POLR3A: variants seen among roughly 807,000 people sequenced by gnomAD.
POLR3A encodes the protein RNA polymerase III subunit A.
POLR3A carries 112 observed loss-of-function variants against 152.8 expected under a neutral mutation model. That is an observed-to-expected ratio of 0.73 (90% confidence interval 0.63 to 0.86). POLR3A has a LOEUF of 0.86. POLR3A is among the 40% of genes least tolerant of loss of function. The pLI is 0.00. For missense variants in POLR3A, 1,385 were observed against 1,743.1 expected, an observed-to-expected ratio of 0.79 and a Z score of 3.66; for synonymous variants, 615 against 652.1, an observed-to-expected ratio of 0.94 and a Z score of 0.87.
chr10:77,981,590 C>A (rs763709498), intron 28 of POLR3A, 31 bp from the exon 29 acceptor site: 31 of 1,613,198 alleles, frequency 1.9e-5, no homozygotes, highest in Non-Finnish European at 2.1e-5. Flanking sequence ...GCAGAAGCAG[C>A]CCCTTCCGGG....
At chr10:78,009,399 G>T in intron 14 of POLR3A, 138 bp downstream of exon 14, 1 of 1,163,860 alleles carries the variant, frequency 8.6e-7, no homozygotes, top group Non-Finnish European at 1.3e-6. Flanking sequence ...ACATTTTCCT[G>T]AAGAAAAAAC....
At position 78,009,893 on chromosome 10, in the gene POLR3A, C is replaced by CT. The variant is rs781745727; in HGVS notation, c.1740dup (p.Val581SerfsTer28). ...AGGATTGTAGGCGGTGGGAGGCGAA[C>CT]TTTAATTTTCTCATCCTTGCCAACC... On this transcript the variant is annotated frameshift_variant, in exon 13 of 31. Coordinates refer to ENST00000372371, the MANE Select transcript of POLR3A (RefSeq NM_007055.4). LOFTEE classifies it high-confidence loss of function. The CT allele has an allele frequency of 9.9e-6, 16 of 1,613,918 alleles. No individual in the cohort carries two copies. Among genetic ancestry groups the CT allele is most frequent in the Non-Finnish European group, 9.3e-6 (11 of 1,180,042 alleles).
At chr10:77,991,030 T>C (rs1201029650) in intron 21 of POLR3A, 24 bp downstream of exon 21, 1 of 1,339,570 alleles carries the variant, frequency 7.5e-7, no homozygotes, top group Admixed American at 1.7e-5. Context: ...CTGGGTGCAG[T>C]AGCCAGCACC....
intron 19 of POLR3A, among the ~76,000 whole-genome samples, chr10:77,997,354 A>C (rs1847311462): frequency 6.6e-6 from 1 of 152,166 alleles, no homozygotes; most frequent in South Asian, 2.1e-4. Flanking sequence ...AATTAGGAAA[A>C]GAGGAAGTCA....
chr10:78,021,748 C>T (rs572362512), intron 7 of POLR3A, 66 bp from the exon 8 acceptor site: 102 of 1,610,794 alleles, frequency 6.3e-5, no homozygotes, highest in South Asian at 4.6e-4. Context: ...ACAATAAGAA[C>T]GGAGAGACTG....
At chr10:77,993,430 A>G in intron 19 of POLR3A, 63 bp from the exon 20 acceptor site, 3 of 1,246,226 alleles carry the variant, frequency 2.4e-6, no homozygotes, top group Non-Finnish European at 3.5e-6. Context: ...GGGAGAGGAT[A>G]AGATTTGCAA....
At chr10:77,982,396 T>A in intron 27 of POLR3A, 78 bp from the exon 28 acceptor site, 1 of 1,352,326 alleles carries the variant, frequency 7.4e-7, no homozygotes, top group Non-Finnish European at 1.1e-6. Flanking sequence ...ACCCCAGCTT[T>A]CAGCAGTGGT....
At chr10:78,013,583 T>A (rs1429356851) in intron 11 of POLR3A, 67 bp downstream of exon 11, 34 of 1,551,330 alleles carry the variant, frequency 2.2e-5, no homozygotes, top group Non-Finnish European at 2.8e-5. Flanking sequence ...GGTGTTTTCA[T>A]GTAAGTTTCC....
Position 78,025,775 on chromosome 10 carries a change from C to T in POLR3A, c.181-16G>A, listed in dbSNP as rs377361433. The stretch of plus-strand genomic sequence containing the variant: ...CACTCGTACCCTTTGAAAAAAAGCA[C>T]ACCCAATGATCAACACAGACTGCTG... On this transcript the variant is annotated splice_polypyrimidine_tract_variant and intron_variant, in intron 2 of 30. Coordinates refer to ENST00000372371, the MANE Select transcript of POLR3A (RefSeq NM_007055.4). The T allele has an allele frequency of 1.7e-5, 27 of 1,613,706 alleles. No homozygotes were observed. Among genetic ancestry groups the T allele is most frequent in the South Asian group, 1.3e-4 (12 of 91,084 alleles).
chr10:77,986,036 C>G (rs141330449), intron 22 of POLR3A, 37 bp downstream of exon 22: 1 of 1,592,552 alleles, frequency 6.3e-7, no homozygotes. Flanking sequence ...CAACTACAAA[C>G]AGCTCGGGGT....
intron 1 of POLR3A, among the ~76,000 whole-genome samples, chr10:78,027,429 G>C (rs1847647432): frequency 6.6e-6 from 1 of 152,202 alleles, no homozygotes; most frequent in Non-Finnish European, 1.5e-5. Flanking sequence ...GGAGGCCAAG[G>C]TGGGTGGATC....
At chr10:78,012,094 A>G (rs1529425) in intron 11 of POLR3A, among the ~76,000 whole-genome samples, 12,905 of 152,210 alleles carry the variant, frequency 0.085, 1,748 homozygotes, top group African/African-American at 0.29. Flanking sequence ...GCCAGGTGCA[A>G]TGGCTCACAC....
At chr10:78,027,748 G>T (rs1564624562) in intron 1 of POLR3A, among the ~76,000 whole-genome samples, 1 of 152,124 alleles carries the variant, frequency 6.6e-6, no homozygotes, top group Non-Finnish European at 1.5e-5. Flanking sequence ...TAGTAGAGAT[G>T]AGGTTTTACC....
In POLR3A at chr10:77,982,246, A is replaced by C; in HGVS notation, c.3667T>G (p.Tyr1223Asp). Reference protein sequence around the residue: ...HIDEQSGKEKYKLLVEGDNLR... With the variant: ...HIDEQSGKEKDKLLVEGDNLR... ...TTATCACCTTCCACCAGAAGCTTGTACTTCTCCTTTCCACTCTGCTCGTCA... is the reference window on the plus strand; with the variant it reads ...TTATCACCTTCCACCAGAAGCTTGTCCTTCTCCTTTCCACTCTGCTCGTCA... The change falls in exon 28 of 31, where the codon TAC becomes GAC. Residue 1223 changes from tyrosine to aspartate, a missense_variant. This residue lies in a region of POLR3A where 332 missense variants were observed against 400.1 expected (regional missense o/e 0.83). Coordinates refer to ENST00000372371, the MANE Select transcript of POLR3A (RefSeq NM_007055.4). 1 of 1,613,676 alleles carries C rather than the reference A, an allele frequency of 6.2e-7. No individual in the cohort carries two copies. Among genetic ancestry groups the C allele is most frequent in the Non-Finnish European group, 8.5e-7 (1 of 1,179,876 alleles).
chr10:77,982,252 C>T lies in POLR3A; in HGVS notation c.3661G>A (p.Glu1221Lys), dbSNP rs1356568559. ...VIHIDEQSGK[E>K]KYKLLVEGDN... ...CCTTCCACCAGAAGCTTGTACTTCT[C>T]CTTTCCACTCTGCTCGTCAATGTGG... The change falls in exon 28 of 31, where the codon GAG (glutamate) becomes AAG (lysine). Residue 1221 changes from glutamate (E) to lysine (K), a missense_variant. Glu to Lys is a moderately conservative substitution (Grantham distance 56). This residue lies in a region of POLR3A where 332 missense variants were observed against 400.1 expected (regional missense o/e 0.83). Transcript: ENST00000372371. The T allele has an allele frequency of 6.2e-6, 10 of 1,613,846 alleles. No homozygotes were observed. Among genetic ancestry groups the T allele is most frequent in the Non-Finnish European group, 8.5e-6 (10 of 1,179,872 alleles).
Position 77,982,832 on chromosome 10 carries a change from GGTGTAGGT to G in POLR3A, c.3430-23_3430-16del. 1 of 1,612,568 alleles carries G rather than the reference GGTGTAGGT, an allele frequency of 6.2e-7. No homozygotes were observed. Among genetic ancestry groups the G allele is most frequent in the South Asian group, 1.1e-5 (1 of 91,028 alleles). On this transcript the variant is annotated splice_polypyrimidine_tract_variant and intron_variant, in intron 26 of 30. Transcript: ENST00000372371. ...TCAGCGTTCACCTGCAACATGGCCA[GGTGTAGGT>G]GTTACTGATTCCAGTGTTGTTCTTC...
chr10:77,982,918 A>G (rs1056686514), intron 26 of POLR3A, 101 bp from the exon 27 acceptor site: 2 of 980,582 alleles, frequency 2.0e-6, no homozygotes, highest in African/African-American at 3.2e-5. Context: ...GTTTGTTCTA[A>G]GCACCCCCCA....
At chr10:77,985,763 T>A (rs768025757) in intron 23 of POLR3A, 140 bp downstream of exon 23, 5 of 731,474 alleles carry the variant, frequency 6.8e-6, no homozygotes, top group Non-Finnish European at 1.2e-5. Context: ...TCAGACCCCC[T>A]ACAGAAAATG....
intron 14 of POLR3A, among the ~76,000 whole-genome samples, chr10:78,008,851 A>G (rs1388553926): frequency 6.9e-6 from 1 of 144,864 alleles, no homozygotes; most frequent in African/African-American, 2.6e-5. Context: ...TTGTCTTTGA[A>G]AAAAAAAAAA....
Sources: allele counts gnomAD v4.1 joint callset (sites outside exome capture counted in the v4.1 genomes callset), GRCh38; gene constraint gnomAD v4.1.1; regional missense constraint gnomAD v4.1.1; transcripts MANE v1.5; gene names NCBI Gene and HGNC (gene_info 2026-07-23, HGNC 2026-07-21).